STPG2: variants seen among roughly 807,000 people sequenced by gnomAD.
The protein encoded by STPG2 is sperm tail PG-rich repeat containing 2.
STPG2 carries 56 observed loss-of-function variants against 54.2 expected under a neutral mutation model. That is an observed-to-expected ratio of 1.03 (90% CI 0.83 to 1.29). The LOEUF (loss-of-function observed/expected upper bound fraction) is 1.29, where lower values mean the gene tolerates loss of function less well. STPG2 is among the 50% of genes most tolerant of loss of function. The probability of loss-of-function intolerance (pLI) is 0.00; values close to 1 mark genes in which losing one functional copy is unlikely to be tolerated. For missense variants in STPG2, 596 were observed against 544.9 expected (o/e 1.09, Z -0.93); for synonymous variants, 200 against 181.8 (o/e 1.10, Z -0.81).
At chr4:97,735,753 T>C (rs1444465603) in intron 9 of STPG2, among the ~76,000 whole-genome samples, 4 of 151,966 alleles carry the variant, frequency 2.6e-5, no homozygotes, top group African/African-American at 9.6e-5. Flanking sequence ...TATCCTTATA[T>C]ATATGTGTGT....
At chr4:97,731,907 T>A (rs1479075211) in intron 9 of STPG2, among the ~76,000 whole-genome samples, 1 of 152,198 alleles carries the variant, frequency 6.6e-6, no homozygotes, top group Non-Finnish European at 1.5e-5. Context: ...GGTCCCTTTG[T>A]CCTTTGGCCC....
rs112453241 is a variant in STPG2 at position 98,097,587 on chromosome 4, C to A, written c.612+8366G>T. Among the ~76,000 whole-genome samples, 909 of 152,234 alleles carry A rather than the reference C, an allele frequency of 6.0e-3. 6 individuals are homozygous for A. Among genetic ancestry groups the A allele is most frequent in the Middle Eastern group, 0.02 (6 of 294 alleles). Reference sequence around the variant, plus strand: ...GGAACATGACAAGGATGTCCACTTTCACCACTGTTACTCAACATAGTACTA... The same window carrying A: ...GGAACATGACAAGGATGTCCACTTTAACCACTGTTACTCAACATAGTACTA... On this transcript the variant is annotated intron_variant, in intron 5 of 10. Transcript: ENST00000295268.
At chr4:98,022,906 G>A (rs1380012811) in intron 5 of STPG2, among the ~76,000 whole-genome samples, 2 of 152,110 alleles carry the variant, frequency 1.3e-5, no homozygotes, top group Admixed American at 6.5e-5. Context: ...GGGTATTCTA[G>A]TTATACATTC....
chr4:98,120,474 T>G (rs1459244568), intron 3 of STPG2, among the ~76,000 whole-genome samples: 1 of 152,218 alleles, frequency 6.6e-6, no homozygotes, highest in Non-Finnish European at 1.5e-5. Context: ...TCTAGATCTC[T>G]GAGGAATCAC....
At chr4:97,978,785 A>G (rs1560620048) in intron 6 of STPG2, among the ~76,000 whole-genome samples, 1 of 152,212 alleles carries the variant, frequency 6.6e-6, no homozygotes, top group Non-Finnish European at 1.5e-5. Flanking sequence ...CAGTCTATCC[A>G]GATAACAAAA....
intron 4 of STPG2, among the ~76,000 whole-genome samples, chr4:97,469,325 A>C (rs1226308903): frequency 6.6e-6 from 1 of 152,130 alleles, no homozygotes; most frequent in Non-Finnish European, 1.5e-5. Flanking sequence ...GTCATTCTCT[A>C]CTTTTTTTGG....
intron 10 of STPG2, among the ~76,000 whole-genome samples, chr4:97,617,622 C>G (rs1436071221): frequency 2.8e-4 from 42 of 152,052 alleles, no homozygotes; most frequent in Non-Finnish European, 5.9e-5. Context: ...TCTCTTTTTT[C>G]TCACTAAGTG....
intron 9 of STPG2, among the ~76,000 whole-genome samples, chr4:97,726,212 T>G (rs1418249087): frequency 6.6e-6 from 1 of 151,934 alleles, no homozygotes; most frequent in Non-Finnish European, 1.5e-5. Flanking sequence ...AGACAATTTG[T>G]ATGATATTGT....
At chr4:97,604,192 C>T (rs1205705063) in intron 10 of STPG2, among the ~76,000 whole-genome samples, 1 of 151,492 alleles carries the variant, frequency 6.6e-6, no homozygotes, top group Non-Finnish European at 1.5e-5. Flanking sequence ...AATCCATATT[C>T]TAGAAGGATA....
intron 8 of STPG2, among the ~76,000 whole-genome samples, chr4:97,873,621 A>C (rs1730069653): frequency 6.6e-6 from 1 of 151,520 alleles, no homozygotes; most frequent in Non-Finnish European, 1.5e-5. Flanking sequence ...TCAATGTGTC[A>C]TGCCTTTTCT....
At chr4:97,458,509 T>C (rs745985633) in intron 4 of STPG2, among the ~76,000 whole-genome samples, 2 of 152,182 alleles carry the variant, frequency 1.3e-5, no homozygotes, top group Non-Finnish European at 1.5e-5. Context: ...TATAAATATA[T>C]AGTATATATT....
intron 9 of STPG2, among the ~76,000 whole-genome samples, chr4:97,746,656 G>C (rs954357500): frequency 1.3e-5 from 2 of 151,164 alleles, no homozygotes; most frequent in African/African-American, 4.8e-5. Flanking sequence ...TTAATGACTA[G>C]CAGTGGAATA....
At chr4:97,522,540 C>A (rs1168210120) in intron 4 of STPG2, among the ~76,000 whole-genome samples, 3 of 151,892 alleles carry the variant, frequency 2.0e-5, no homozygotes, top group African/African-American at 7.3e-5. Context: ...TATCTGAACT[C>A]AATATGTTAA....
At chr4:97,846,761 C>A (rs1728967730) in intron 8 of STPG2, among the ~76,000 whole-genome samples, 1 of 151,830 alleles carries the variant, frequency 6.6e-6, no homozygotes, top group Non-Finnish European at 1.5e-5. Context: ...TGCAGTAGGT[C>A]TAGGTCTAAT....
At chr4:97,852,069 T>G (rs570060902) in intron 8 of STPG2, among the ~76,000 whole-genome samples, 1 of 152,320 alleles carries the variant, frequency 6.6e-6, no homozygotes, top group South Asian at 2.1e-4. Context: ...AAGGACATAA[T>G]TGCTCCTAGT....
intron 4 of STPG2, among the ~76,000 whole-genome samples, chr4:97,487,969 T>C (rs1730410128): frequency 6.6e-6 from 1 of 151,552 alleles, no homozygotes; most frequent in Non-Finnish European, 1.5e-5. Flanking sequence ...AAGAAACCTA[T>C]GTATTTATCA....
intron 10 of STPG2, among the ~76,000 whole-genome samples, chr4:97,657,022 T>C (rs1722235628): frequency 6.6e-6 from 1 of 152,084 alleles, no homozygotes; most frequent in African/African-American, 2.4e-5. Flanking sequence ...AATCATAGTT[T>C]AAACTGTTAC....
intron 4 of STPG2, among the ~76,000 whole-genome samples, chr4:97,491,533 G>A (rs534117431): frequency 1.3e-5 from 2 of 151,548 alleles, no homozygotes; most frequent in East Asian, 3.9e-4. Flanking sequence ...GCCTCTCAGA[G>A]GAGATAAAGC....
At chr4:97,878,451 G>A (rs192751528) in intron 8 of STPG2, among the ~76,000 whole-genome samples, 297 of 152,306 alleles carry the variant, frequency 2.0e-3, no homozygotes, top group African/African-American at 7.0e-3. Flanking sequence ...TCTAGGCAGA[G>A]GTTCCTAAAC....
Sources: gnomAD v4.1 joint callset for allele counts (sites outside exome capture counted in the v4.1 genomes callset) on GRCh38, gnomAD v4.1.1 for gene constraint, MANE v1.5 for transcripts, NCBI Gene and HGNC (gene_info 2026-07-23, HGNC 2026-07-21) for gene names.